The following LPIN2 variants were observed in gnomAD, a reference collection of about 807,000 sequenced individuals.
The protein encoded by LPIN2 is phosphatidate phosphatase LPIN2.
LPIN2 carries 55 observed loss-of-function variants against 111.4 expected under a neutral mutation model. The ratio of observed to expected loss-of-function variants is 0.49; its 90% CI spans 0.40 to 0.62. The LOEUF (loss-of-function observed/expected upper bound fraction) is 0.62, where lower values mean the gene tolerates loss of function less well. LPIN2 is among the 20% of genes least tolerant of loss of function. The pLI, the probability that LPIN2 is intolerant of heterozygous loss-of-function variation, is 0.00. For missense variants in LPIN2, 992 were observed against 1,112.1 expected (o/e 0.89, Z 1.54); for synonymous variants, 425 against 414.0 (o/e 1.03, Z -0.32).
chr18:2,965,012 G>A (rs2077772114), intron 1 of LPIN2, among the ~76,000 whole-genome samples: 1 of 152,108 alleles, frequency 6.6e-6, no homozygotes, highest in Non-Finnish European at 1.5e-5. Context: ...GCTCAGATGT[G>A]GCCTGACTGC....
At chr18:2,945,314 A>T (rs1229797568) in intron 4 of LPIN2, among the ~76,000 whole-genome samples, 1 of 152,224 alleles carries the variant, frequency 6.6e-6, no homozygotes, top group Non-Finnish European at 1.5e-5. Flanking sequence ...TACAGGACAC[A>T]ACTATGGTTC....
intron 1 of LPIN2, among the ~76,000 whole-genome samples, chr18:3,002,249 A>AAC (rs1567864473): frequency 2.7e-5 from 4 of 149,462 alleles, no homozygotes; most frequent in African/African-American, 1.0e-4. Flanking sequence ...AAAAAAAAAA[A>AAC]AAAAAAAAAC....
intron 15 of LPIN2, 128 bp downstream of exon 15, chr18:2,924,270 C>A: frequency 8.7e-7 from 1 of 1,153,122 alleles, no homozygotes; most frequent in Non-Finnish European, 1.3e-6. Context: ...CGCCTCAGAG[C>A]ATATGGCTTA....
At chr18:2,944,438 G>A (rs1164070165) in intron 4 of LPIN2, among the ~76,000 whole-genome samples, 5 of 132,248 alleles carry the variant, frequency 3.8e-5, no homozygotes, top group South Asian at 2.6e-4. Context: ...TGCCAGCTCC[G>A]CCTCTTAGGT....
chr18:2,931,412 C>T lies in LPIN2; in HGVS notation c.1300G>A (p.Glu434Lys), dbSNP rs2077211891. 1 of 1,602,996 alleles carries T rather than the reference C, an allele frequency of 6.2e-7. No homozygotes were observed. Among genetic ancestry groups the T allele is most frequent in the Non-Finnish European group, 8.5e-7 (1 of 1,174,614 alleles). ...TGGGAGCCAGAGAGTGTGTCAGACTCGGGCCACTGCCTGGAACCGGGCTCC... is the reference window on the plus strand; with the variant it reads ...TGGGAGCCAGAGAGTGTGTCAGACTTGGGCCACTGCCTGGAACCGGGCTCC... The part of the protein sequence containing the change: ...ESEPGSRQWP[E>K]SDTLSGSQSP... Residue 434 changes from glutamate to lysine, a missense_variant, in exon 9 of 20, where the codon GAG becomes AAG. Transcript: ENST00000677752.
rs1185064773 is a variant in LPIN2 at position 2,950,997 on chromosome 18, T to C, written c.590+58A>G. The C allele has an allele frequency of 1.9e-6, 3 of 1,599,502 alleles. No individual in the cohort carries two copies. The African/African-American group carries it at 4.0e-5, about 21-fold the overall frequency. On this transcript the variant is annotated intron_variant, in intron 4 of 19. Coordinates refer to ENST00000677752, the MANE Select transcript of LPIN2 (RefSeq NM_001375808.2). ...TATCCATAAAAAAACTGGCAGCTCC[T>C]GGCTTCACATGAACTCTAGGTACCC... is the stretch of plus-strand genomic sequence containing the variant.
chr18:2,953,548 C>T (rs2077568634), intron 3 of LPIN2, among the ~76,000 whole-genome samples: 1 of 152,158 alleles, frequency 6.6e-6, no homozygotes, highest in South Asian at 2.1e-4. Context: ...TGCTGCTTTA[C>T]CTACTGGTAC....
intron 1 of LPIN2, among the ~76,000 whole-genome samples, chr18:2,975,316 T>C (rs1056399619): frequency 5.3e-5 from 8 of 152,340 alleles, no homozygotes; most frequent in African/African-American, 1.7e-4. Flanking sequence ...TTCTTCCATA[T>C]GCTACCATAC....
chr18:2,938,164 C>A, intron 6 of LPIN2, 127 bp from the exon 7 acceptor site: 1 of 724,618 alleles, frequency 1.4e-6, no homozygotes, highest in Admixed American at 2.4e-5. Flanking sequence ...TTAGTTTGTA[C>A]ATGTAAAAAT....
intron 1 of LPIN2, chr18:2,990,766 C>T: frequency 5.6e-6 from 2 of 354,026 alleles, no homozygotes; most frequent in Admixed American, 3.5e-5. Context: ...GATGGAAGAA[C>T]AGGCTCAGAG....
In LPIN2 at chr18:2,951,056, G is replaced by A. The variant is rs750126005; in HGVS notation, c.589C>T (p.Arg197Ter). ...SDDDKGAQAA[R>*]GSSNASLKEE... ...CCCTTCCCAGGCTGAGAGTCCTACC[G>A]TGCTGCCTGGGCCCCCTTGTCATCA... The change falls in exon 4 of 20, where the codon CGA becomes TGA. Residue 197 changes from arginine (R) to a stop codon, truncating the protein, a stop_gained and splice_region_variant. Coordinates refer to ENST00000677752, the MANE Select transcript of LPIN2 (RefSeq NM_001375808.2). LOFTEE classifies it high-confidence loss of function. 2.2e-5 allele frequency: 35 copies of A among 1,613,876 alleles called. No individual in the cohort carries two copies. The highest frequency in any genetic ancestry group is 2.7e-5 in the Non-Finnish European group (32 of 1,180,022).
chr18:2,989,482 G>T (rs898835585), intron 1 of LPIN2, among the ~76,000 whole-genome samples: 3 of 152,164 alleles, frequency 2.0e-5, no homozygotes, highest in South Asian at 4.2e-4. Context: ...TACCTAAAGC[G>T]ATCTTCAAAT....
intron 2 of LPIN2, among the ~76,000 whole-genome samples, chr18:2,958,680 T>C (rs2077660870): frequency 6.6e-6 from 1 of 152,168 alleles, no homozygotes; most frequent in South Asian, 2.1e-4. Flanking sequence ...AATTCTCTTT[T>C]CCTGTGTCTC....
intron 1 of LPIN2, among the ~76,000 whole-genome samples, chr18:2,987,838 A>G (rs2078208518): frequency 6.6e-6 from 1 of 151,936 alleles, no homozygotes; most frequent in Admixed American, 6.6e-5. Context: ...CAGGAGTTCA[A>G]GACCAGCCTG....
intron 1 of LPIN2, among the ~76,000 whole-genome samples, chr18:2,984,849 G>A (rs1046202543): frequency 1.5e-4 from 23 of 152,198 alleles, no homozygotes; most frequent in Admixed American, 1.2e-3. Flanking sequence ...ATGCCAAGCA[G>A]AGACCAAGAA....
At chr18:2,980,889 T>C (rs2078100427) in intron 1 of LPIN2, among the ~76,000 whole-genome samples, 1 of 152,212 alleles carries the variant, frequency 6.6e-6, no homozygotes, top group Admixed American at 6.5e-5. Context: ...TGTAGTATAT[T>C]CTGCCCTAAA....
At chr18:2,950,197 G>GT (rs1250375835) in intron 4 of LPIN2, 14 of 152,160 alleles carry the variant, frequency 9.2e-5, no homozygotes, top group Middle Eastern at 3.4e-3. Context: ...ATTGAGCTAG[G>GT]GTTTACTCTT....
chr18:2,933,783 C>A (rs919534659), intron 8 of LPIN2, among the ~76,000 whole-genome samples: 1 of 152,100 alleles, frequency 6.6e-6, no homozygotes, highest in Non-Finnish European at 1.5e-5. Context: ...CCAAGTGTAT[C>A]ATATTTGAGG....
intron 1 of LPIN2, among the ~76,000 whole-genome samples, chr18:3,006,585 C>G (rs2078518894): frequency 6.6e-6 from 1 of 152,092 alleles, no homozygotes; most frequent in Admixed American, 6.5e-5. Context: ...AGCCTGTAAT[C>G]CCAACACTTT....
Sources: gnomAD v4.1 joint callset for allele counts (sites outside exome capture counted in the v4.1 genomes callset) on GRCh38, gnomAD v4.1.1 for gene constraint, MANE v1.5 for transcripts, NCBI Gene and HGNC (gene_info 2026-07-23, HGNC 2026-07-21) for gene names.